The following LRRFIP2 variants were observed in gnomAD, a reference collection of about 807,000 sequenced individuals.
The protein encoded by LRRFIP2 is LRR binding FLII interacting protein 2, also known as leucine-rich repeat flightless-interacting protein 2.
LRRFIP2 carries 109 observed loss-of-function variants against 125.9 expected under a neutral mutation model. That is an observed-to-expected ratio of 0.87 (90% CI 0.74 to 1.01). The LOEUF is 1.01. LRRFIP2 is among the 50% of genes least tolerant of loss of function. The pLI is 0.00. For synonymous variants in LRRFIP2, 291 were observed against 293.1 expected, an observed-to-expected ratio of 0.99 and a Z score of 0.07; for missense variants, 850 against 862.3, an observed-to-expected ratio of 0.99 and a Z score of 0.18.
intron 15 of LRRFIP2, 113 bp downstream of exon 15, chr3:37,102,811 A>T (rs2094134611): frequency 4.0e-6 from 3 of 740,974 alleles, no homozygotes; most frequent in Non-Finnish European, 6.4e-6. Context: ...CCAAACAAAT[A>T]TTTCTTAAGA....
chr3:37,146,941 G>A (rs1423549965), intron 2 of LRRFIP2, among the ~76,000 whole-genome samples: 1 of 151,960 alleles, frequency 6.6e-6, no homozygotes, highest in Non-Finnish European at 1.5e-5. Context: ...CTACAAAATG[G>A]GAGAAAATTT....
At chr3:37,088,278 C>T (rs1004274112) in intron 18 of LRRFIP2, among the ~76,000 whole-genome samples, 1 of 152,196 alleles carries the variant, frequency 6.6e-6, no homozygotes, top group Non-Finnish European at 1.5e-5. Flanking sequence ...CTTACCCCTA[C>T]AGTCTATTAA....
intron 1 of LRRFIP2, chr3:37,174,184 T>C (rs1341109464): frequency 6.6e-6 from 1 of 152,236 alleles, no homozygotes; most frequent in Non-Finnish European, 1.5e-5. Context: ...CATTATTTTT[T>C]AACTAAAGTT....
At chr3:37,105,799 T>C (rs1408796197) in intron 13 of LRRFIP2, among the ~76,000 whole-genome samples, 4 of 152,186 alleles carry the variant, frequency 2.6e-5, no homozygotes, top group Non-Finnish European at 5.9e-5. Context: ...GAGCGGTGGC[T>C]CATGCCTGTA....
chr3:37,109,534 G>T lies in LRRFIP2; in HGVS notation c.602C>A (p.Ala201Asp). The T allele has an allele frequency of 6.2e-7, 1 of 1,613,956 alleles. No individual in the cohort carries two copies. Among genetic ancestry groups the T allele is most frequent in the Non-Finnish European group, 8.5e-7 (1 of 1,179,922 alleles). Residue 201 changes from alanine (A) to aspartate (D), a missense_variant, in exon 11 of 28, where the codon GCC becomes GAC. Transcript: ENST00000336686. ...GAAGAGGAAAATACAAACCAGACTG[G>T]CACTTCTCAGCAGACCAGAATTTGC... ...PTANSGLLRSASLASLYNGGL... is the reference protein window; with the variant it reads ...PTANSGLLRSDSLASLYNGGL...
chr3:37,064,418 C>A (rs2089611307), intron 23 of LRRFIP2: 1 of 152,178 alleles, frequency 6.6e-6, no homozygotes, highest in South Asian at 2.1e-4. Flanking sequence ...ATGGTGAAAC[C>A]ACGTCTCTAC....
chr3:37,114,020 A>T (rs1048650204), intron 7 of LRRFIP2, among the ~76,000 whole-genome samples: 4 of 152,170 alleles, frequency 2.6e-5, no homozygotes, highest in African/African-American at 9.7e-5. Context: ...TGCCCTACCT[A>T]TCAAGAGCCA....
intron 2 of LRRFIP2, among the ~76,000 whole-genome samples, chr3:37,137,197 C>T (rs942751600): frequency 6.6e-6 from 1 of 152,050 alleles, no homozygotes; most frequent in African/African-American, 2.4e-5. Flanking sequence ...AGGCTGGTCT[C>T]GAACTCCTGG....
At chr3:37,108,789 A>T (rs879152815) in intron 11 of LRRFIP2, 105 bp from the exon 12 acceptor site, 8 of 824,916 alleles carry the variant, frequency 9.7e-6, no homozygotes, top group Admixed American at 2.0e-5. Flanking sequence ...TTGGAGAATG[A>T]TATAAGTGTA....
chr3:37,058,571 A>G (rs2087585711), intron 25 of LRRFIP2, among the ~76,000 whole-genome samples: 1 of 151,784 alleles, frequency 6.6e-6, no homozygotes, highest in Non-Finnish European at 1.5e-5. Flanking sequence ...GCTACTCAGG[A>G]GGCTGAGGCA....
chr3:37,095,074 T>C (rs1284667247), intron 16 of LRRFIP2, among the ~76,000 whole-genome samples, 166 bp from the exon 17 acceptor site: 1 of 152,192 alleles, frequency 6.6e-6, no homozygotes, highest in Non-Finnish European at 1.5e-5. Flanking sequence ...GGTATCCAGG[T>C]ATACAGAGAA....
intron 2 of LRRFIP2, among the ~76,000 whole-genome samples, chr3:37,137,994 C>T (rs1380697129): frequency 6.6e-6 from 1 of 152,196 alleles, no homozygotes; most frequent in Non-Finnish European, 1.5e-5. Flanking sequence ...CAAATAGGCT[C>T]TTTGTACTTT....
At position 37,081,579 on chromosome 3, in the gene LRRFIP2, C is replaced by T. The variant is rs6764898; in HGVS notation, c.1278+2057G>A. Among the ~76,000 whole-genome samples the T allele has an allele frequency of 4.1e-4, 62 of 152,024 alleles. 2 individuals are homozygous for T. The highest frequency in any genetic ancestry group is 3.7e-3 in the Admixed American group (56 of 15,238). ...TTCCAGGGTATTAAAAAAAACAATA[C>T]ATTTTAGGTTTGAAAAGTACAAGAC... On this transcript the variant is annotated intron_variant, in intron 19 of 27. Transcript: ENST00000336686.
chr3:37,120,693 T>C (rs1317896796), intron 6 of LRRFIP2, among the ~76,000 whole-genome samples: 3 of 151,696 alleles, frequency 2.0e-5, no homozygotes, highest in African/African-American at 7.3e-5. Flanking sequence ...GACTTTAACA[T>C]GAAAGATCAT....
At chr3:37,079,956 G>T (rs1428937094) in intron 19 of LRRFIP2, among the ~76,000 whole-genome samples, 2 of 152,102 alleles carry the variant, frequency 1.3e-5, no homozygotes, top group African/African-American at 4.8e-5. Context: ...AGGGTATATG[G>T]TTTCTTTCTG....
intron 14 of LRRFIP2, 116 bp from the exon 15 acceptor site, chr3:37,103,129 C>A: frequency 9.4e-6 from 6 of 640,102 alleles, no homozygotes; most frequent in Non-Finnish European, 1.3e-5. Flanking sequence ...TGATAAAGTA[C>A]CAAGAAATAA....
intron 4 of LRRFIP2, among the ~76,000 whole-genome samples, chr3:37,124,608 G>C: frequency 6.6e-6 from 1 of 152,126 alleles, no homozygotes; most frequent in East Asian, 1.9e-4. Context: ...TAAGAAAGTT[G>C]CAGCACAGAA....
chr3:37,142,382 T>C (rs1443103456), intron 2 of LRRFIP2, among the ~76,000 whole-genome samples: 1 of 152,058 alleles, frequency 6.6e-6, no homozygotes, highest in Non-Finnish European at 1.5e-5. Flanking sequence ...GCTCACACAA[T>C]CCGCCCACCT....
At chr3:37,076,868 A>G (rs932979471) in intron 19 of LRRFIP2, among the ~76,000 whole-genome samples, 1 of 152,240 alleles carries the variant, frequency 6.6e-6, no homozygotes, top group Non-Finnish European at 1.5e-5. Flanking sequence ...CTCTGTCTTA[A>G]AAAACAAACA....
Sources: allele counts gnomAD v4.1 joint callset (sites outside exome capture counted in the v4.1 genomes callset), GRCh38; gene constraint gnomAD v4.1.1; transcripts MANE v1.5; gene names NCBI Gene and HGNC (gene_info 2026-07-23, HGNC 2026-07-21).